The following FER variants were observed in gnomAD, a reference collection of about 807,000 sequenced individuals.
FER encodes FER tyrosine kinase.
Under a neutral mutation model 111.0 loss-of-function variants are expected in FER, and 63 were observed. That is an observed-to-expected ratio of 0.57 (90% CI 0.46 to 0.70). The LOEUF (loss-of-function observed/expected upper bound fraction) is 0.70. Among genes scored for constraint, FER ranks in the 30% least tolerant of loss-of-function variants. The pLI is 0.00. For synonymous variants in FER, 327 were observed against 313.9 expected (o/e 1.04, Z -0.44); for missense variants, 914 against 954.0 (o/e 0.96, Z 0.55).
chr5:109,042,807 G>C (rs115603345), intron 14 of FER, among the ~76,000 whole-genome samples: 1 of 152,236 alleles, frequency 6.6e-6, no homozygotes, highest in East Asian at 1.9e-4. Flanking sequence ...TGTAGAAAAG[G>C]CATGACACGT....
In FER at chr5:109,192,672, G is replaced by C. The variant is rs905188243; in HGVS notation, c.*5097G>C. On this transcript the variant is annotated 3_prime_UTR_variant, in exon 20 of 20. Coordinates refer to ENST00000281092, the MANE Select transcript of FER (RefSeq NM_005246.4). ...ATTAGAAATCTTTGGTTACAGTGAGGCTTAACCTGGGCTAAAGTCTCCTAA... is the reference window on the plus strand; with the variant it reads ...ATTAGAAATCTTTGGTTACAGTGAGCCTTAACCTGGGCTAAAGTCTCCTAA... 6 of 152,064 alleles carry C rather than the reference G, an allele frequency of 3.9e-5. No individual in the cohort carries two copies. Among genetic ancestry groups the C allele is most frequent in the African/African-American group, 1.4e-4 (6 of 41,406 alleles). 9.4% of individuals were successfully genotyped at this position (152,064 alleles called of 1,614,324 possible).
At chr5:108,842,790 A>G (rs545007164) in intron 5 of FER, 2 of 152,348 alleles carry the variant, frequency 1.3e-5, no homozygotes, top group African/African-American at 4.8e-5. Flanking sequence ...GAACACTTCT[A>G]CACGGCTGGT....
In FER at chr5:108,872,241, A is replaced by C. The variant is rs755912938; in HGVS notation, c.923+29A>C. On this transcript the variant is annotated intron_variant, in intron 8 of 19. Coordinates refer to ENST00000281092, the MANE Select transcript of FER (RefSeq NM_005246.4). ...AGTATTCACAAAATATCAACAGTTT[A>C]AATACTAGTATTATTATTGCTTTAT... The C allele has an allele frequency of 2.6e-6, 4 of 1,560,912 alleles. No individual in the cohort carries two copies. In the South Asian group the frequency reaches 4.6e-5, roughly 18 times the overall value.
rs1188978702 is a variant in FER at position 108,864,171 on chromosome 5, C to G, written c.482-3596C>G. The stretch of plus-strand genomic sequence containing the variant: ...AATGGACAATGGGTACAGAATTAAA[C>G]TCTTTAAAAAAATTATGTGTTGCTC... On this transcript the variant is annotated intron_variant, in intron 5 of 19. Transcript: ENST00000281092. Among the ~76,000 whole-genome samples the G allele has an allele frequency of 2.6e-5, 4 of 152,232 alleles. No homozygotes were observed. In the East Asian group the frequency reaches 7.7e-4, roughly 29 times the overall value.
chr5:109,187,294 C>A, intron 19 of FER, 139 bp from the exon 20 acceptor site: 2 of 786,902 alleles, frequency 2.5e-6, no homozygotes, highest in South Asian at 2.2e-5. Flanking sequence ...AAAAACTCAG[C>A]CTCCCCAGAA....
chr5:108,859,475 C>T (rs1763306637), intron 5 of FER, among the ~76,000 whole-genome samples: 1 of 152,088 alleles, frequency 6.6e-6, no homozygotes, highest in African/African-American at 2.4e-5. Context: ...TACTCATAGC[C>T]AATTTAAAAT....
At chr5:109,184,694 AAATT>A (rs1306372115) in intron 18 of FER, among the ~76,000 whole-genome samples, 6 of 152,250 alleles carry the variant, frequency 3.9e-5, no homozygotes, top group Admixed American at 1.3e-4. Context: ...GCAGACAAGA[AAATT>A]AATCTTCCAC....
chr5:109,072,334 A>G (rs1013085991), intron 16 of FER, among the ~76,000 whole-genome samples: 2 of 149,630 alleles, frequency 1.3e-5, no homozygotes, highest in Admixed American at 6.7e-5. Flanking sequence ...AGGTTGGTGC[A>G]GAAGTAATCA....
intron 17 of FER, among the ~76,000 whole-genome samples, chr5:109,119,029 G>A (rs1263598543): frequency 6.6e-6 from 1 of 150,790 alleles, no homozygotes; most frequent in Non-Finnish European, 1.5e-5. Flanking sequence ...TCTGATCTTA[G>A]TTATTTCTTG....
chr5:108,959,573 C>G (rs1004888531), intron 13 of FER, among the ~76,000 whole-genome samples: 4 of 151,850 alleles, frequency 2.6e-5, no homozygotes, highest in Non-Finnish European at 4.4e-5. Context: ...ATACAGATGG[C>G]TTGGTTTTTT....
At chr5:109,135,427 G>A (rs556511059) in intron 17 of FER, among the ~76,000 whole-genome samples, 15 of 152,286 alleles carry the variant, frequency 9.8e-5, no homozygotes, top group South Asian at 8.3e-4. Flanking sequence ...CCAAGTTTAC[G>A]CTCTTAATAG....
intron 5 of FER, among the ~76,000 whole-genome samples, chr5:108,865,966 G>C (rs1282200704): frequency 1.3e-5 from 2 of 152,146 alleles, no homozygotes; most frequent in Non-Finnish European, 2.9e-5. Context: ...GGAGAAATAG[G>C]AACACTTTTA....
chr5:108,880,785 T>A (rs1440547174), intron 8 of FER, among the ~76,000 whole-genome samples: 1 of 152,086 alleles, frequency 6.6e-6, no homozygotes, highest in Non-Finnish European at 1.5e-5. Context: ...TGACTCTCGA[T>A]CATTATTATA....
At chr5:109,118,582 T>C (rs1184338058) in intron 17 of FER, among the ~76,000 whole-genome samples, 1 of 152,238 alleles carries the variant, frequency 6.6e-6, no homozygotes, top group African/African-American at 2.4e-5. Context: ...GAAGGAATGG[T>C]ACCAGTTCCT....
intron 13 of FER, chr5:109,014,863 T>C (rs933142160): frequency 2.0e-5 from 3 of 152,286 alleles, no homozygotes; most frequent in African/African-American, 7.2e-5. Context: ...TGAATTTGCG[T>C]GTCATCCTTG....
intron 16 of FER, among the ~76,000 whole-genome samples, chr5:109,090,436 G>A (rs1281002181): frequency 6.6e-6 from 1 of 152,026 alleles, no homozygotes; most frequent in African/African-American, 2.4e-5. Flanking sequence ...AAAATCACAA[G>A]ACACATGAAG....
intron 13 of FER, among the ~76,000 whole-genome samples, chr5:109,001,024 C>T (rs1764697083): frequency 6.6e-6 from 1 of 152,064 alleles, no homozygotes; most frequent in Non-Finnish European, 1.5e-5. Context: ...AGCTTACCAA[C>T]CAAAAAGAGT....
intron 13 of FER, among the ~76,000 whole-genome samples, chr5:109,015,744 A>G (rs1017766783): frequency 1.3e-5 from 2 of 152,054 alleles, no homozygotes; most frequent in Admixed American, 6.6e-5. Flanking sequence ...AAGCAGAAAT[A>G]TGATTTTCTT....
intron 17 of FER, among the ~76,000 whole-genome samples, chr5:109,158,182 C>A (rs78318410): frequency 2.8e-3 from 422 of 152,026 alleles, no homozygotes; most frequent in Non-Finnish European, 4.6e-3. Context: ...ACTTAGAGAC[C>A]AGCCTGGGCA....
Sources: allele counts gnomAD v4.1 joint callset (sites outside exome capture counted in the v4.1 genomes callset), GRCh38; gene constraint gnomAD v4.1.1; transcripts MANE v1.5; gene names NCBI Gene and HGNC (gene_info 2026-07-23, HGNC 2026-07-21).